MISP3: variants seen among roughly 807,000 people sequenced by gnomAD.
MISP3 encodes the protein uncharacterized protein MISP3.
Under a neutral mutation model 5.5 loss-of-function variants are expected in MISP3, and 9 were observed. The observed-to-expected ratio is 1.65, with a 90% CI of 0.99 to 2.87. The LOEUF (loss-of-function observed/expected upper bound fraction) is 2.87. Ranked by LOEUF, MISP3 falls within the 30% of genes most tolerant of loss-of-function variation. MISP3 has a pLI of 0.00. For missense variants in MISP3, 152 were observed against 84.1 expected (o/e 1.81, Z -3.16); for synonymous variants, 87 against 38.1 (o/e 2.28, Z -4.73).
rs915176304 is a variant in MISP3, at chr19:14,073,324, C to A, written c.15C>A (p.Ile5=). 4.3e-6 allele frequency: 3 copies of A among 698,352 alleles called. No homozygotes were observed. In the East Asian group the frequency reaches 8.1e-5, roughly 19 times the overall value. 43.3% of individuals were successfully genotyped at this position (698,352 alleles called of 1,614,324 possible). METP[I]EREIRRSCER... Reference sequence around the variant, plus strand: ...AGGAGCGGTTCATGGAGACGCCCATCGAGCGCGAAATCCGCCGCAGCTGCG... The same window carrying A: ...AGGAGCGGTTCATGGAGACGCCCATAGAGCGCGAAATCCGCCGCAGCTGCG... Residue 5 remains isoleucine (I), a synonymous_variant, in exon 1 of 3, where the codon ATC becomes ATA. Transcript: ENST00000587086. The surrounding 1 kb of genome is among the most constrained non-coding windows in gnomAD (Gnocchi z 8.5).
In MISP3 at chr19:14,073,016, G is replaced by A; in HGVS notation, c.-294G>A. ...AGCTGCTGCGGAGCTGAACACCGAG[G>A]TCCCCAAGCCCTCCGCAAAGGACGT... On this transcript the variant is annotated 5_prime_UTR_variant, in exon 1 of 3. Transcript: ENST00000587086. This position sits in a 1 kb window ranked among gnomAD's most constrained non-coding sequence, Gnocchi z 8.5. 1 of 517,596 alleles carries A rather than the reference G, an allele frequency of 1.9e-6. No individual in the cohort carries two copies. Among genetic ancestry groups the A allele is most frequent in the Non-Finnish European group, 3.7e-6 (1 of 267,186 alleles). 32.1% of individuals were successfully genotyped at this position (517,596 alleles called of 1,614,324 possible). A position where few individuals can be genotyped will look rare whatever the true frequency, so the allele number is the denominator to read the frequency against.
chr19:14,074,678 G>C lies in MISP3; in HGVS notation c.643-28G>C. ...ATGCAGTGCGCAGGTCCCTGAGGCCGGCCTTCCTTCTGGTCCTCTGTCCCC... is the reference window on the plus strand; with the variant it reads ...ATGCAGTGCGCAGGTCCCTGAGGCCCGCCTTCCTTCTGGTCCTCTGTCCCC... On this transcript the variant is annotated intron_variant, in intron 2 of 2. Coordinates refer to ENST00000587086, the MANE Select transcript of MISP3 (RefSeq NM_001291291.2). This position sits in a 1 kb window ranked among gnomAD's most constrained non-coding sequence, Gnocchi z 4.4. 1.4e-6 allele frequency: 1 copy of C among 701,202 alleles called. No homozygotes were observed. Among genetic ancestry groups the C allele is most frequent in the Non-Finnish European group, 2.6e-6 (1 of 383,524 alleles). 43.4% of individuals were successfully genotyped at this position (701,202 alleles called of 1,614,324 possible).
In MISP3 at chr19:14,073,587, C is replaced by T; in HGVS notation, c.278C>T (p.Pro93Leu). The T allele has an allele frequency of 3.4e-6, 1 of 291,852 alleles. No individual in the cohort carries two copies. 18.1% of individuals were successfully genotyped at this position (291,852 alleles called of 1,614,324 possible). ...AVPEPRARSP[P>L]QPLGELKRFF... ...CCCGAGCCGCGCGCCCGGTCGCCGC[C>T]GCAGCCGCTGGGCGAACTCAAGCGC... The change falls in exon 1 of 3, where the codon CCG (proline) becomes CTG (leucine). Residue 93 changes from proline to leucine, a missense_variant. Coordinates refer to ENST00000587086, the MANE Select transcript of MISP3 (RefSeq NM_001291291.2). The surrounding 1 kb of genome is among the most constrained non-coding windows in gnomAD (Gnocchi z 8.5).
Position 14,074,445 on chromosome 19 carries a change from G to A in MISP3, c.624G>A (p.Ser208=). The A allele has an allele frequency of 1.4e-6, 1 of 702,798 alleles. No individual in the cohort carries two copies. The highest frequency in any genetic ancestry group is 2.6e-6 in the Non-Finnish European group (1 of 384,968). The allele number at this position is 702,798 out of a possible 1,614,324, so 43.5% of individuals were successfully genotyped here. Residue 208 remains serine (S), a synonymous_variant, in exon 2 of 3, where the codon TCG becomes TCA. Transcript: ENST00000587086. This position sits in a 1 kb window ranked among gnomAD's most constrained non-coding sequence, Gnocchi z 4.4. ...VVIWPPRRKV[S]ENGLEQEERK... is the part of the protein sequence containing the mutation. Reference sequence around the variant, plus strand: ...TCTGGCCCCCCCGCAGAAAGGTCTCGGAGAACGGCCTGGAGCAGGTGGGAG... The same window carrying A: ...TCTGGCCCCCCCGCAGAAAGGTCTCAGAGAACGGCCTGGAGCAGGTGGGAG...
rs1436176016 is a variant in MISP3, at chr19:14,073,587, C to A, written c.278C>A (p.Pro93Gln). The change falls in exon 1 of 3, where the codon CCG (proline) becomes CAG (glutamine). Residue 93 changes from proline (P) to glutamine (Q), a missense_variant. Coordinates refer to ENST00000587086, the MANE Select transcript of MISP3 (RefSeq NM_001291291.2). This position sits in a 1 kb window ranked among gnomAD's most constrained non-coding sequence, Gnocchi z 8.5. Reference protein sequence around the residue: ...AVPEPRARSPPQPLGELKRFF... With the variant: ...AVPEPRARSPQQPLGELKRFF... ...CCCGAGCCGCGCGCCCGGTCGCCGCCGCAGCCGCTGGGCGAACTCAAGCGC... is the reference window on the plus strand; with the variant it reads ...CCCGAGCCGCGCGCCCGGTCGCCGCAGCAGCCGCTGGGCGAACTCAAGCGC... 6.9e-6 allele frequency: 2 copies of A among 291,744 alleles called. No individual in the cohort carries two copies. The highest frequency in any genetic ancestry group is 1.0e-4 in the Admixed American group (2 of 19,170). The allele number at this position is 291,744 out of a possible 1,614,324, so 18.1% of individuals were successfully genotyped here.
chr19:14,073,731 T>TGCTGGGC lies in MISP3; in HGVS notation c.423_429dup (p.Ser144AlafsTer91), dbSNP rs2145718906. The TGCTGGGC allele has an allele frequency of 2.9e-6, 2 of 683,118 alleles. No homozygotes were observed. Among genetic ancestry groups the TGCTGGGC allele is most frequent in the Non-Finnish European group, 5.3e-6 (2 of 376,598 alleles). The allele number at this position is 683,118 out of a possible 1,614,324, so 42.3% of individuals were successfully genotyped here. A position where few individuals can be genotyped will look rare whatever the true frequency, so the allele number is the denominator to read the frequency against. On this transcript the variant is annotated frameshift_variant, in exon 1 of 3. Transcript: ENST00000587086. LOFTEE classifies it high-confidence loss of function. This position sits in a 1 kb window ranked among gnomAD's most constrained non-coding sequence, Gnocchi z 8.5. ...TCGGCCGTGCAGGGCGGGTGCCGGG[T>TGCTGGGC]GCTGGGCAGCGCCCCGCCGCCTTTC...
In MISP3 at chr19:14,073,159, T is replaced by C; in HGVS notation, c.-151T>C. On this transcript the variant is annotated 5_prime_UTR_variant, in exon 1 of 3. Coordinates refer to ENST00000587086, the MANE Select transcript of MISP3 (RefSeq NM_001291291.2). The surrounding 1 kb of genome is among the most constrained non-coding windows in gnomAD (Gnocchi z 8.5). ...GTCCTGAGCCAGGCAGAGACGACCC[T>C]GGGCCGTCCGAAGCGCAAAGGGCGG... 1.5e-6 allele frequency: 1 copy of C among 672,332 alleles called. No homozygotes were observed. The highest frequency in any genetic ancestry group is 2.7e-6 in the Non-Finnish European group (1 of 365,506). The allele number at this position is 672,332 out of a possible 1,614,324, so 41.6% of individuals were successfully genotyped here.
At position 14,072,953 on chromosome 19, in the gene MISP3, G is replaced by A. The variant is rs1405934213; in HGVS notation, c.-357G>A. Reference sequence around the variant, plus strand: ...AAACCCTGGGGTCGTCTGAAGAGGAGGGCCAGGAGTCCCCAGGGCCAGACA... The same window carrying A: ...AAACCCTGGGGTCGTCTGAAGAGGAAGGCCAGGAGTCCCCAGGGCCAGACA... On this transcript the variant is annotated 5_prime_UTR_variant, in exon 1 of 3. Transcript: ENST00000587086. This position sits in a 1 kb window ranked among gnomAD's most constrained non-coding sequence, Gnocchi z 6.8. The A allele has an allele frequency of 4.3e-6, 2 of 469,520 alleles. No homozygotes were observed. The highest frequency in any genetic ancestry group is 8.5e-6 in the Non-Finnish European group (2 of 235,680). The allele number at this position is 469,520 out of a possible 1,614,324, so 29.1% of individuals were successfully genotyped here. A position where few individuals can be genotyped will look rare whatever the true frequency, so the allele number is the denominator to read the frequency against.
chr19:14,073,131 A>G lies in MISP3; in HGVS notation c.-179A>G, dbSNP rs1327522614. 1.5e-6 allele frequency: 1 copy of G among 663,620 alleles called. No individual in the cohort carries two copies. Among genetic ancestry groups the G allele is most frequent in the Non-Finnish European group, 2.8e-6 (1 of 359,836 alleles). 41.1% of individuals were successfully genotyped at this position (663,620 alleles called of 1,614,324 possible). A position where few individuals can be genotyped will look rare whatever the true frequency, so the allele number is the denominator to read the frequency against. Reference sequence around the variant, plus strand: ...GGGCTGTCCACAGCTGCGGGCTTTGAGAGTCCTGAGCCAGGCAGAGACGAC... The same window carrying G: ...GGGCTGTCCACAGCTGCGGGCTTTGGGAGTCCTGAGCCAGGCAGAGACGAC... On this transcript the variant is annotated 5_prime_UTR_variant, in exon 1 of 3. Coordinates refer to ENST00000587086, the MANE Select transcript of MISP3 (RefSeq NM_001291291.2). The surrounding 1 kb of genome is among the most constrained non-coding windows in gnomAD (Gnocchi z 8.5).
Position 14,074,346 on chromosome 19 carries a change from C to T in MISP3, c.569-44C>T. On this transcript the variant is annotated intron_variant, in intron 1 of 2. Coordinates refer to ENST00000587086, the MANE Select transcript of MISP3 (RefSeq NM_001291291.2). This position sits in a 1 kb window ranked among gnomAD's most constrained non-coding sequence, Gnocchi z 4.4. Reference sequence around the variant, plus strand: ...TAAGGGGTGCGGCCGGCCTTTCATCCTGGCTGCCGCCAGCTGGTGAGCTGA... The same window carrying T: ...TAAGGGGTGCGGCCGGCCTTTCATCTTGGCTGCCGCCAGCTGGTGAGCTGA... 1 of 700,714 alleles carries T rather than the reference C, an allele frequency of 1.4e-6. No homozygotes were observed. Among genetic ancestry groups the T allele is most frequent in the Non-Finnish European group, 2.6e-6 (1 of 383,874 alleles). The allele number at this position is 700,714 out of a possible 1,614,324, so 43.4% of individuals were successfully genotyped here.
At position 14,073,360 on chromosome 19, in the gene MISP3, G is replaced by C. The variant is rs751530064; in HGVS notation, c.51G>C (p.Glu17Asp). 1.4e-6 allele frequency: 1 copy of C among 699,464 alleles called. No homozygotes were observed. Among genetic ancestry groups the C allele is most frequent in the Non-Finnish European group, 2.6e-6 (1 of 383,114 alleles). The allele number at this position is 699,464 out of a possible 1,614,324, so 43.3% of individuals were successfully genotyped here. Residue 17 changes from glutamate (E) to aspartate (D), a missense_variant, in exon 1 of 3, where the codon GAG (glutamate) becomes GAC (aspartate). By Grantham distance (45) the Glu-to-Asp change is conservative (BLOSUM62 2). Coordinates refer to ENST00000587086, the MANE Select transcript of MISP3 (RefSeq NM_001291291.2). The surrounding 1 kb of genome is among the most constrained non-coding windows in gnomAD (Gnocchi z 8.5). Reference protein sequence around the residue: ...REIRRSCEREESLRRSRGLSP... With the variant: ...REIRRSCEREDSLRRSRGLSP... ...TCCGCCGCAGCTGCGAACGCGAGGA[G>C]AGCCTGCGCCGGAGCCGGGGCCTGA...
At position 14,073,964 on chromosome 19, in the gene MISP3, C is replaced by T; in HGVS notation, c.568+87C>T. On this transcript the variant is annotated intron_variant, in intron 1 of 2. Transcript: ENST00000587086. This position sits in a 1 kb window ranked among gnomAD's most constrained non-coding sequence, Gnocchi z 8.5. ...CAACTTCAGTGGCCCCTCCTGTGGC[C>T]CTCCGATTCTCGGGGTCTCTCCCTC... 1.5e-6 allele frequency: 1 copy of T among 652,204 alleles called. No homozygotes were observed. The highest frequency in any genetic ancestry group is 2.8e-6 in the Non-Finnish European group (1 of 362,486). The allele number at this position is 652,204 out of a possible 1,614,324, so 40.4% of individuals were successfully genotyped here. A position where few individuals can be genotyped will look rare whatever the true frequency, so the allele number is the denominator to read the frequency against.
In MISP3 at chr19:14,074,124, G is replaced by A; in HGVS notation, c.568+247G>A. The A allele has an allele frequency of 1.7e-6, 1 of 592,534 alleles. No homozygotes were observed. The highest frequency in any genetic ancestry group is 3.0e-6 in the Non-Finnish European group (1 of 333,250). 36.7% of individuals were successfully genotyped at this position (592,534 alleles called of 1,614,324 possible). ...CCACCCAGGCTGCGCGGGGGTGGGG[G>A]CATTCCAGATGTCTTCCTTTTTGTC... On this transcript the variant is annotated intron_variant, in intron 1 of 2. Transcript: ENST00000587086. This position sits in a 1 kb window ranked among gnomAD's most constrained non-coding sequence, Gnocchi z 4.4.
Position 14,074,996 on chromosome 19 carries a change from G to C in MISP3, c.*273G>C, listed in dbSNP as rs547914416. 3 of 405,848 alleles carry C rather than the reference G, an allele frequency of 7.4e-6. No individual in the cohort carries two copies. Among genetic ancestry groups the C allele is most frequent in the Non-Finnish European group, 1.3e-5 (3 of 222,566 alleles). The allele number at this position is 405,848 out of a possible 1,614,324, so 25.1% of individuals were successfully genotyped here. A position where few individuals can be genotyped will look rare whatever the true frequency, so the allele number is the denominator to read the frequency against. ...CTACCCTCTCCCTTGACTGTTAAGA[G>C]GGCCGGAGTTACCGCCTCGATTGCC... On this transcript the variant is annotated 3_prime_UTR_variant, in exon 3 of 3. Transcript: ENST00000587086. This position sits in a 1 kb window ranked among gnomAD's most constrained non-coding sequence, Gnocchi z 4.4.
Position 14,073,052 on chromosome 19 carries a change from G to A in MISP3, c.-258G>A, listed in dbSNP as rs1174347222. 1.7e-6 allele frequency: 1 copy of A among 573,288 alleles called. No individual in the cohort carries two copies. Among genetic ancestry groups the A allele is most frequent in the Non-Finnish European group, 3.3e-6 (1 of 302,628 alleles). 35.5% of individuals were successfully genotyped at this position (573,288 alleles called of 1,614,324 possible). On this transcript the variant is annotated 5_prime_UTR_variant, in exon 1 of 3. Coordinates refer to ENST00000587086, the MANE Select transcript of MISP3 (RefSeq NM_001291291.2). The surrounding 1 kb of genome is among the most constrained non-coding windows in gnomAD (Gnocchi z 8.5). ...CTCCGCAAAGGACGTGGAGATCCTG[G>A]AGCAAGAGAGCGAAGTCCTCGAGCC... is the stretch of plus-strand genomic sequence containing the variant.
rs949090098 is a variant in MISP3, at chr19:14,073,849, G to C, written c.540G>C (p.Glu180Asp). 4.3e-6 allele frequency: 3 copies of C among 701,870 alleles called. No individual in the cohort carries two copies. Among genetic ancestry groups the C allele is most frequent in the Non-Finnish European group, 7.8e-6 (3 of 384,624 alleles). The allele number at this position is 701,870 out of a possible 1,614,324, so 43.5% of individuals were successfully genotyped here. ...GGCGCAGCGTCTATGGCACCGCGGA[G>C]TTCAAGGAGCCTACGCCGAGCCTCA... ...RQRRSVYGTA[E>D]FKEPTPSLTA... The change falls in exon 1 of 3, where the codon GAG (glutamate) becomes GAC (aspartate). Residue 180 changes from glutamate (E) to aspartate (D), a missense_variant. Glu to Asp is a conservative substitution (Grantham distance 45, BLOSUM62 2). Coordinates refer to ENST00000587086, the MANE Select transcript of MISP3 (RefSeq NM_001291291.2). The surrounding 1 kb of genome is among the most constrained non-coding windows in gnomAD (Gnocchi z 8.5).
chr19:14,073,597 G>T lies in MISP3; in HGVS notation c.288G>T (p.Leu96=). The change falls in exon 1 of 3, where the codon CTG becomes CTT. Residue 96 remains leucine, a synonymous_variant. Transcript: ENST00000587086. The surrounding 1 kb of genome is among the most constrained non-coding windows in gnomAD (Gnocchi z 8.5). ...GCGCCCGGTCGCCGCCGCAGCCGCT[G>T]GGCGAACTCAAGCGCTTCTTCGAGG... ...EPRARSPPQP[L]GELKRFFEAA... is the part of the protein sequence containing the mutation. The T allele has an allele frequency of 3.2e-6, 1 of 315,858 alleles. No individual in the cohort carries two copies. The highest frequency in any genetic ancestry group is 1.4e-4 in the South Asian group (1 of 7,106). The allele number at this position is 315,858 out of a possible 1,614,324, so 19.6% of individuals were successfully genotyped here. A position where few individuals can be genotyped will look rare whatever the true frequency, so the allele number is the denominator to read the frequency against.
At position 14,073,746 on chromosome 19, in the gene MISP3, C is replaced by T. The variant is rs1976633356; in HGVS notation, c.437C>T (p.Pro146Leu). 1 of 691,846 alleles carries T rather than the reference C, an allele frequency of 1.4e-6. No homozygotes were observed. The highest frequency in any genetic ancestry group is 1.8e-5 in the African/African-American group (1 of 56,100). The allele number at this position is 691,846 out of a possible 1,614,324, so 42.9% of individuals were successfully genotyped here. ...QGGCRVLGSA[P>L]PPFTPSLLEQ... is the part of the protein sequence containing the mutation. ...GGGTGCCGGGTGCTGGGCAGCGCCCCGCCGCCTTTCACTCCGTCACTGCTG... is the reference window on the plus strand; with the variant it reads ...GGGTGCCGGGTGCTGGGCAGCGCCCTGCCGCCTTTCACTCCGTCACTGCTG... Residue 146 changes from proline to leucine, a missense_variant, in exon 1 of 3, where the codon CCG becomes CTG. Coordinates refer to ENST00000587086, the MANE Select transcript of MISP3 (RefSeq NM_001291291.2). This position sits in a 1 kb window ranked among gnomAD's most constrained non-coding sequence, Gnocchi z 8.5.
rs1435996529 is a variant in MISP3 at position 14,074,576 on chromosome 19, G to A, written c.642+113G>A. On this transcript the variant is annotated intron_variant, in intron 2 of 2. Transcript: ENST00000587086. This position sits in a 1 kb window ranked among gnomAD's most constrained non-coding sequence, Gnocchi z 4.4. ...CCTCCCTGGAGGGCCACTCTGGTCA[G>A]AACTCAGTCTGGGACGCATCCCCGG... 1 of 684,472 alleles carries A rather than the reference G, an allele frequency of 1.5e-6. No homozygotes were observed. The highest frequency in any genetic ancestry group is 2.7e-6 in the Non-Finnish European group (1 of 371,212). 42.4% of individuals were successfully genotyped at this position (684,472 alleles called of 1,614,324 possible).
Sources: gnomAD v4.1 joint callset for allele counts on GRCh38, gnomAD v4.1.1 for gene constraint, Gnocchi (gnomAD v3.1) non-coding constraint, MANE v1.5 for transcripts, NCBI Gene and HGNC (gene_info 2026-07-23, HGNC 2026-07-21) for gene names.